PSTPIP2: variants seen among roughly 807,000 people sequenced by gnomAD.
PSTPIP2 encodes proline-serine-threonine phosphatase interacting protein 2.
PSTPIP2 carries 33 observed loss-of-function variants against 63.3 expected under a neutral mutation model. The observed-to-expected ratio is 0.52, with a 90% CI of 0.40 to 0.70. The LOEUF (loss-of-function observed/expected upper bound fraction) is 0.70. Ranked by LOEUF, PSTPIP2 falls within the 30% of genes least tolerant of loss-of-function variation. PSTPIP2 has a pLI of 0.00. For missense variants in PSTPIP2, 312 were observed against 400.7 expected, an observed-to-expected ratio of 0.78 and a Z score of 1.89; for synonymous variants, 125 against 132.7, an observed-to-expected ratio of 0.94 and a Z score of 0.40.
At chr18:45,991,370 G>A (rs117386481) in intron 12 of PSTPIP2, among the ~76,000 whole-genome samples, 4,461 of 152,166 alleles carry the variant, frequency 0.029, 89 homozygotes, top group Non-Finnish European at 0.034. Context: ...GCCACCTCCC[G>A]TCTCTCTTGC....
intron 1 of PSTPIP2, among the ~76,000 whole-genome samples, chr18:46,069,522 A>T (rs1909314802): frequency 6.6e-6 from 1 of 152,214 alleles, no homozygotes; most frequent in Non-Finnish European, 1.5e-5. Context: ...ACAGGGTCTC[A>T]CTATGTTGCC....
At chr18:46,041,394 A>G (rs906453291) in intron 1 of PSTPIP2, among the ~76,000 whole-genome samples, 1 of 152,040 alleles carries the variant, frequency 6.6e-6, no homozygotes, top group Non-Finnish European at 1.5e-5. Flanking sequence ...CTACAGGGAC[A>G]TGCCACCATA....
chr18:46,062,925 C>T (rs1256510047), intron 1 of PSTPIP2, among the ~76,000 whole-genome samples: 1 of 152,138 alleles, frequency 6.6e-6, no homozygotes, highest in Non-Finnish European at 1.5e-5. Flanking sequence ...GGGCAGGAAT[C>T]CACCTCCTCC....
At chr18:46,053,903 T>C (rs1171770969) in intron 1 of PSTPIP2, among the ~76,000 whole-genome samples, 1 of 152,320 alleles carries the variant, frequency 6.6e-6, no homozygotes, top group East Asian at 1.9e-4. Context: ...TACAATCATA[T>C]GTCACTCAAC....
At chr18:46,024,053 T>TAA (rs911635615) in intron 3 of PSTPIP2, among the ~76,000 whole-genome samples, 8 of 151,910 alleles carry the variant, frequency 5.3e-5, no homozygotes, top group Admixed American at 5.2e-4. Flanking sequence ...TTGAAAATAA[T>TAA]AAAAAAAATT....
At chr18:45,996,348 TA>T (rs1479533724) in intron 9 of PSTPIP2, among the ~76,000 whole-genome samples, 1 of 152,186 alleles carries the variant, frequency 6.6e-6, no homozygotes, top group Non-Finnish European at 1.5e-5. Flanking sequence ...TTGGAAGGCT[TA>T]TTAGCACAGA....
Position 45,985,358 on chromosome 18 carries a change from G to A in PSTPIP2, c.*101C>T, listed in dbSNP as rs1411787751. The stretch of plus-strand genomic sequence containing the variant: ...AATTATAGCAAGGGTTCACTTCAAA[G>A]TCTTCATTGCTGACATAACGTGGCT... On this transcript the variant is annotated 3_prime_UTR_variant, in exon 15 of 15. Coordinates refer to ENST00000409746, the MANE Select transcript of PSTPIP2 (RefSeq NM_024430.4). The A allele has an allele frequency of 8.7e-6, 13 of 1,500,532 alleles. No homozygotes were observed. The highest frequency in any genetic ancestry group is 3.5e-4 in the Middle Eastern group (2 of 5,766). The allele number at this position is 1,500,532 out of a possible 1,614,324, so 93.0% of individuals were successfully genotyped here. A position where few individuals can be genotyped will look rare whatever the true frequency, so the allele number is the denominator to read the frequency against.
intron 2 of PSTPIP2, chr18:46,028,938 T>G (rs1907692007): frequency 1.5e-6 from 2 of 1,338,002 alleles, no homozygotes; most frequent in Non-Finnish European, 2.1e-6. Flanking sequence ...GCCAGCATGG[T>G]AATGCTGAAC....
intron 1 of PSTPIP2, among the ~76,000 whole-genome samples, chr18:46,065,153 A>G (rs1374550377): frequency 1.1e-4 from 17 of 150,958 alleles, no homozygotes; most frequent in Non-Finnish European, 1.9e-4. Flanking sequence ...TCAAAAAAAA[A>G]AAAAAAAAAA....
chr18:46,003,187 A>G (rs1051430401), intron 6 of PSTPIP2, among the ~76,000 whole-genome samples: 2 of 152,192 alleles, frequency 1.3e-5, no homozygotes, highest in Non-Finnish European at 2.9e-5. Context: ...CTCACTCTCC[A>G]CTAGACCTCC....
At chr18:46,004,309 G>A (rs899744668) in intron 6 of PSTPIP2, among the ~76,000 whole-genome samples, 2 of 152,058 alleles carry the variant, frequency 1.3e-5, no homozygotes, top group South Asian at 2.1e-4. Context: ...CATCCTACTC[G>A]TAGAATATCA....
At chr18:46,020,433 T>C (rs762810887) in intron 3 of PSTPIP2, among the ~76,000 whole-genome samples, 5 of 152,068 alleles carry the variant, frequency 3.3e-5, no homozygotes, top group Admixed American at 6.6e-5. Flanking sequence ...GGCAGGTGGA[T>C]CACGAGGTCA....
At chr18:46,067,243 C>T (rs1909223360) in intron 1 of PSTPIP2, among the ~76,000 whole-genome samples, 1 of 152,102 alleles carries the variant, frequency 6.6e-6, no homozygotes, top group Non-Finnish European at 1.5e-5. Context: ...TGGCTCACTC[C>T]TGTAATCCCA....
chr18:46,071,685 C>T (rs995430211), intron 1 of PSTPIP2, among the ~76,000 whole-genome samples: 2 of 152,228 alleles, frequency 1.3e-5, no homozygotes, highest in South Asian at 2.1e-4. Context: ...GTAAAGCTCA[C>T]AAGCCCCCAC....
chr18:46,033,094 G>A (rs980438496), intron 2 of PSTPIP2, among the ~76,000 whole-genome samples: 30 of 152,304 alleles, frequency 2.0e-4, no homozygotes, highest in African/African-American at 3.8e-4. Flanking sequence ...TATGGCTAAC[G>A]AAACTGGAAC....
chr18:46,062,976 G>A (rs1350956123), intron 1 of PSTPIP2, among the ~76,000 whole-genome samples: 2 of 152,160 alleles, frequency 1.3e-5, no homozygotes, highest in East Asian at 3.9e-4. Flanking sequence ...TTCTGCAAAT[G>A]TCAGAACACT....
intron 2 of PSTPIP2, among the ~76,000 whole-genome samples, chr18:46,039,478 T>C (rs1444000215): frequency 2.0e-5 from 3 of 152,082 alleles, no homozygotes; most frequent in African/African-American, 7.2e-5. Context: ...CAGGTACTTC[T>C]TCACCTGTCA....
intron 9 of PSTPIP2, 47 bp from the exon 10 acceptor site, chr18:45,993,750 C>A: frequency 6.5e-7 from 1 of 1,534,848 alleles, no homozygotes; most frequent in Non-Finnish European, 9.0e-7. Flanking sequence ...GGAAAAGGAC[C>A]ATTCATTTTG....
chr18:45,988,493 C>T (rs2051490480), intron 14 of PSTPIP2, among the ~76,000 whole-genome samples: 2 of 149,538 alleles, frequency 1.3e-5, no homozygotes, highest in Admixed American at 6.7e-5. Flanking sequence ...AAAATAACCT[C>T]ATTCAAATAG....
Sources: gnomAD v4.1 joint callset for allele counts (sites outside exome capture counted in the v4.1 genomes callset) on GRCh38, gnomAD v4.1.1 for gene constraint, MANE v1.5 for transcripts, NCBI Gene and HGNC (gene_info 2026-07-23, HGNC 2026-07-21) for gene names.